CD48: variants seen among roughly 807,000 people sequenced by gnomAD.
CD48 encodes CD48 antigen.
Under a neutral mutation model 22.0 loss-of-function variants are expected in CD48, and 20 were observed. The ratio of observed to expected loss-of-function variants is 0.91; its 90% CI spans 0.64 to 1.32. The LOEUF is 1.32. Ranked by LOEUF, CD48 falls within the 40% of genes most tolerant of loss-of-function variation. The pLI is 0.00. For missense variants in CD48, 307 were observed against 286.5 expected (o/e 1.07, Z -0.52); for synonymous variants, 110 against 110.1 (o/e 1.00, Z 0.01).
At chr1:160,710,221 A>G (rs892125699) in intron 1 of CD48, among the ~76,000 whole-genome samples, 1 of 152,236 alleles carries the variant, frequency 6.6e-6, no homozygotes, top group Non-Finnish European at 1.5e-5. Flanking sequence ...GTGTGCCCTT[A>G]GGAGAATTTC....
In CD48 at chr1:160,684,578, C is replaced by A. The variant is rs1042774112; in HGVS notation, c.385+309G>T. The A allele has an allele frequency of 7.2e-6, 5 of 691,710 alleles. No homozygotes were observed. In the East Asian group the frequency reaches 1.1e-4, roughly 15 times the overall value. The allele number at this position is 691,710 out of a possible 1,614,324, so 42.8% of individuals were successfully genotyped here. On this transcript the variant is annotated intron_variant, in intron 2 of 3. Coordinates refer to ENST00000368046, the MANE Select transcript of CD48 (RefSeq NM_001778.4). ...ATTTCGGAGATATAATCAAGATGAG[C>A]TGAGCTGATTTAGGTTGATCACAGG... is the stretch of plus-strand genomic sequence containing the variant.
chr1:160,697,503 G>A (rs1289317967), intron 1 of CD48, among the ~76,000 whole-genome samples: 1 of 152,294 alleles, frequency 6.6e-6, no homozygotes. Flanking sequence ...AGAGCACCAG[G>A]ATGTTTAATG....
At chr1:160,702,073 A>C (rs571287) in intron 1 of CD48, among the ~76,000 whole-genome samples, 152,067 of 152,220 alleles carry the variant, frequency 1, 75,957 homozygotes, top group Non-Finnish European at 1. Context: ...GAAATAGGAA[A>C]CTTGGCAGAC....
chr1:160,706,050 G>T (rs1468899429), intron 1 of CD48, among the ~76,000 whole-genome samples: 1 of 152,042 alleles, frequency 6.6e-6, no homozygotes, highest in Non-Finnish European at 1.5e-5. Context: ...GACAGAGGCA[G>T]GTAGTAACAC....
intron 1 of CD48, among the ~76,000 whole-genome samples, chr1:160,696,250 C>T (rs1444341177): frequency 6.6e-6 from 1 of 152,300 alleles, no homozygotes; most frequent in African/African-American, 2.4e-5. Flanking sequence ...TTTTGATCAA[C>T]CTATCAATAT....
Position 160,685,255 on chromosome 1 carries a change from T to A in CD48, c.83-66A>T, listed in dbSNP as rs1392119474. On this transcript the variant is annotated intron_variant, in intron 1 of 3. Transcript: ENST00000368046. ...CAGTGTTGCTGACAGGCCCAGGGTA[T>A]AGCCTGGGCTGGTGGAACAGGTGAG... 8.9e-6 allele frequency: 11 copies of A among 1,234,122 alleles called. No individual in the cohort carries two copies. The African/African-American group carries it at 1.2e-4, about 14-fold the overall frequency. 76.4% of individuals were successfully genotyped at this position (1,234,122 alleles called of 1,614,324 possible).
intron 1 of CD48, among the ~76,000 whole-genome samples, chr1:160,694,331 GT>G (rs1662332461): frequency 6.8e-6 from 1 of 146,200 alleles, no homozygotes; most frequent in Non-Finnish European, 1.5e-5. Flanking sequence ...GTGTAAGGCC[GT>G]TATTCAAGGA....
At chr1:160,691,230 G>A (rs1662204013) in intron 1 of CD48, among the ~76,000 whole-genome samples, 1 of 152,166 alleles carries the variant, frequency 6.6e-6, no homozygotes, top group African/African-American at 2.4e-5. Context: ...AGGAGGATTA[G>A]TATAAGAGGA....
intron 1 of CD48, among the ~76,000 whole-genome samples, chr1:160,685,539 T>C (rs559854827): frequency 7.1e-4 from 108 of 152,232 alleles, no homozygotes; most frequent in Non-Finnish European, 1.3e-3. Flanking sequence ...TCTGCTCTGG[T>C]CTTGTGTTTC....
chr1:160,708,592 G>T (rs1279213329), intron 1 of CD48, among the ~76,000 whole-genome samples: 1 of 152,116 alleles, frequency 6.6e-6, no homozygotes, highest in Non-Finnish European at 1.5e-5. Context: ...TACTCATTGG[G>T]CATGAGAAGC....
At chr1:160,681,747 T>C (rs1288823915) in intron 2 of CD48, among the ~76,000 whole-genome samples, 2 of 152,188 alleles carry the variant, frequency 1.3e-5, no homozygotes, top group Middle Eastern at 3.4e-3. Context: ...GGGGTTATGA[T>C]CGTGTGTGAG....
intron 2 of CD48, chr1:160,684,636 T>C (rs1026472409): frequency 8.1e-6 from 10 of 1,229,310 alleles, no homozygotes; most frequent in Non-Finnish European, 4.4e-6. Context: ...AATCTCTAGT[T>C]TTCCTTCTCT....
At chr1:160,697,953 T>G (rs1189924627) in intron 1 of CD48, among the ~76,000 whole-genome samples, 1 of 152,144 alleles carries the variant, frequency 6.6e-6, no homozygotes, top group African/African-American at 2.4e-5. Context: ...GAAAAAGGAA[T>G]CTCTACCCCA....
At chr1:160,706,761 G>A (rs575167009) in intron 1 of CD48, among the ~76,000 whole-genome samples, 3 of 152,170 alleles carry the variant, frequency 2.0e-5, no homozygotes, top group Admixed American at 6.5e-5. Flanking sequence ...GTCTGTGCCC[G>A]CCCATGTTTC....
intron 1 of CD48, among the ~76,000 whole-genome samples, chr1:160,700,330 G>A (rs1662588090): frequency 6.6e-6 from 1 of 152,194 alleles, no homozygotes; most frequent in African/African-American, 2.4e-5. Context: ...TTGAAAGGCA[G>A]CTTGAACTTT....
At chr1:160,687,233 A>C (rs772826499) in intron 1 of CD48, among the ~76,000 whole-genome samples, 4 of 152,010 alleles carry the variant, frequency 2.6e-5, no homozygotes, top group Non-Finnish European at 4.4e-5. Flanking sequence ...GTTTAAGGTT[A>C]TCTCTCTAGT....
chr1:160,680,630 G>A, intron 3 of CD48: 4 of 1,009,656 alleles, frequency 4.0e-6, no homozygotes, highest in Non-Finnish European at 4.7e-6. Context: ...CCAGGAGACA[G>A]GGGAATCTGG....
chr1:160,682,458 A>C (rs1346448802), intron 2 of CD48, among the ~76,000 whole-genome samples: 4 of 100,268 alleles, frequency 4.0e-5, no homozygotes, highest in African/African-American at 1.6e-4. Flanking sequence ...GAAGACCTTC[A>C]AAAAAAAAAA....
At chr1:160,711,074 C>T (rs1662931258) in intron 1 of CD48, among the ~76,000 whole-genome samples, 1 of 152,164 alleles carries the variant, frequency 6.6e-6, no homozygotes, top group South Asian at 2.1e-4. Flanking sequence ...ACCGAACAGG[C>T]TGTGGCAGAG....
Sources: gnomAD v4.1 joint callset for allele counts (sites outside exome capture counted in the v4.1 genomes callset) on GRCh38, gnomAD v4.1.1 for gene constraint, MANE v1.5 for transcripts, NCBI Gene and HGNC (gene_info 2026-07-23, HGNC 2026-07-21) for gene names.